The following NPM1 variants were observed in gnomAD, a reference collection of about 807,000 sequenced individuals.
NPM1 encodes nucleophosmin 1.
NPM1 carries 1 observed loss-of-function variant against 44.1 expected under a neutral mutation model. The ratio of observed to expected loss-of-function variants is 0.02; its 90% CI spans 0.01 to 0.11. The LOEUF (loss-of-function observed/expected upper bound fraction) is 0.11. Ranked by LOEUF, NPM1 falls within the 10% of genes least tolerant of loss-of-function variation. The probability of loss-of-function intolerance (pLI) is 1.00; values close to 1 mark genes in which losing one functional copy is unlikely to be tolerated. For missense variants in NPM1, 197 were observed against 347.8 expected (o/e 0.57, Z 3.45); for synonymous variants, 126 against 111.8 (o/e 1.13, Z -0.80).
intron 3 of NPM1, 109 bp downstream of exon 3, chr5:171,391,533 T>A: frequency 5.0e-6 from 7 of 1,403,562 alleles, no homozygotes; most frequent in Non-Finnish European, 6.9e-6. Context: ...TTCTTTATCT[T>A]CTGTCACTGG....
intron 8 of NPM1, among the ~76,000 whole-genome samples, chr5:171,404,534 G>T (rs373353791): frequency 2.8e-5 from 2 of 72,418 alleles, no homozygotes; most frequent in African/African-American, 1.1e-4. Flanking sequence ...CATCTCAGAC[G>T]ATGGGCGGCC....
In NPM1 at chr5:171,402,970, TTTA is replaced by T. The variant is rs1290436818; in HGVS notation, c.669+2048_669+2050del. ...GGTAGTTCTTTTTTTTTTTTTTCAT[TTTA>T]TTTATTTATTTATTTATTTTTTATT... On this transcript the variant is annotated intron_variant, in intron 8 of 10. Transcript: ENST00000296930. 1.6e-3 allele frequency among the ~76,000 whole-genome samples: 185 copies of T among 116,708 alleles called. 2 individuals carry two copies. The highest frequency in any genetic ancestry group is 5.7e-3 in the African/African-American group (167 of 29,266). 76.6% of individuals were successfully genotyped at this position (116,708 alleles called of 152,430 possible).
At chr5:171,397,400 G>T (rs993503656) in intron 6 of NPM1, among the ~76,000 whole-genome samples, 1 of 152,150 alleles carries the variant, frequency 6.6e-6, no homozygotes, top group Non-Finnish European at 1.5e-5. Context: ...ATTCCCACTA[G>T]CAGTGTATGG....
chr5:171,387,854 C>G lies in NPM1; in HGVS notation c.-95C>G, dbSNP rs909954965. On this transcript the variant is annotated 5_prime_UTR_variant, in exon 1 of 11. Transcript: ENST00000296930. ...AAGCGCGGGGAGCCTGCGTCCTTTC[C>G]CTGGTGTGATTCCGTCCTGCGCGGT... 1 of 1,182,786 alleles carries G rather than the reference C, an allele frequency of 8.5e-7. No individual in the cohort carries two copies. The highest frequency in any genetic ancestry group is 1.2e-5 in the South Asian group (1 of 80,278). 73.3% of individuals were successfully genotyped at this position (1,182,786 alleles called of 1,614,324 possible).
intron 2 of NPM1, among the ~76,000 whole-genome samples, chr5:171,390,893 TTG>T (rs1190532823): frequency 6.6e-6 from 1 of 151,988 alleles, no homozygotes; most frequent in African/African-American, 2.4e-5. Flanking sequence ...TGGCTAATTT[TTG>T]TGTTTTTAGT....
intron 6 of NPM1, among the ~76,000 whole-genome samples, chr5:171,398,703 C>CA (rs1561869777): frequency 6.6e-6 from 1 of 152,072 alleles, no homozygotes; most frequent in Non-Finnish European, 1.5e-5. Context: ...ACCTGGGAGG[C>CA]AGAGGTTGCA....
At chr5:171,407,561 C>A (rs553382266) in intron 9 of NPM1, 139 bp from the exon 10 acceptor site, 3 of 655,648 alleles carry the variant, frequency 4.6e-6, no homozygotes, top group Non-Finnish European at 5.4e-6. Flanking sequence ...GAAAAAGATA[C>A]GGAGTATTCT....
intron 7 of NPM1, 144 bp downstream of exon 7, chr5:171,400,354 A>C: frequency 3.4e-6 from 2 of 591,766 alleles, no homozygotes; most frequent in Non-Finnish European, 5.0e-6. Context: ...GGATTACAGA[A>C]AACTTAAGAG....
chr5:171,406,350 C>A (rs1561876074), intron 9 of NPM1: 3 of 1,528,448 alleles, frequency 2.0e-6, no homozygotes, highest in Non-Finnish European at 2.7e-6. Context: ...TTTAGATGCC[C>A]CTCCCCTCCA....
intron 5 of NPM1, 36 bp from the exon 6 acceptor site, chr5:171,392,878 C>G: frequency 6.2e-7 from 1 of 1,612,752 alleles, no homozygotes; most frequent in South Asian, 1.1e-5. Context: ...GATAGAACAG[C>G]TCTTGTTCAT....
chr5:171,397,061 G>A (rs1561868652), intron 6 of NPM1, among the ~76,000 whole-genome samples: 1 of 152,132 alleles, frequency 6.6e-6, no homozygotes, highest in Non-Finnish European at 1.5e-5. Flanking sequence ...ACCTCAATGA[G>A]AAATCGTACT....
chr5:171,401,987 G>A (rs952765725), intron 8 of NPM1, among the ~76,000 whole-genome samples: 3 of 151,438 alleles, frequency 2.0e-5, no homozygotes, highest in African/African-American at 7.3e-5. Flanking sequence ...AAAATGGTCT[G>A]GGGTGGGCGC....
chr5:171,394,041 C>CTT (rs144186175), intron 6 of NPM1, among the ~76,000 whole-genome samples: 1,237 of 96,788 alleles, frequency 0.013, 33 homozygotes, highest in Middle Eastern at 0.024. Flanking sequence ...TTTTTGTTTT[C>CTT]TTTTTTTTTT....
intron 9 of NPM1, chr5:171,405,718 A>G (rs1377499065): frequency 3.3e-6 from 1 of 300,796 alleles, no homozygotes; most frequent in African/African-American, 2.3e-5. Context: ...TGGTTGTAAG[A>G]TATGCTAGAG....
At chr5:171,406,574 ATCTCTTGGTTCCC>A in intron 9 of NPM1, 1 of 1,436,408 alleles carries the variant, frequency 7.0e-7, no homozygotes, top group East Asian at 2.5e-5. Flanking sequence ...GCTGGAAACA[ATCTCTTGGTTCCC>A]TAAAGCACTT....
chr5:171,389,010 T>C (rs925741516), intron 1 of NPM1, among the ~76,000 whole-genome samples: 9 of 152,188 alleles, frequency 5.9e-5, no homozygotes, highest in Non-Finnish European at 5.9e-5. Flanking sequence ...CCAAACTGCT[T>C]TTCTAAATAC....
In NPM1 at chr5:171,387,996, C is replaced by T. The variant is rs976072123; in HGVS notation, c.48C>T (p.Asn16=). 6 of 1,583,594 alleles carry T rather than the reference C, an allele frequency of 3.8e-6. No homozygotes were observed. In the Admixed American group the frequency reaches 8.5e-5, roughly 22 times the overall value. The change falls in exon 1 of 11, where the codon AAC becomes AAT. Residue 16 remains asparagine (N), a synonymous_variant. Coordinates refer to ENST00000296930, the MANE Select transcript of NPM1 (RefSeq NM_002520.7). ...DMDMSPLRPQ[N]YLFGCELKAD... ...ACATGAGCCCCCTGAGGCCCCAGAA[C>T]TATCTTTTCGGTAACTGCTGGGGGG...
chr5:171,403,724 C>T (rs1386190132), intron 8 of NPM1, among the ~76,000 whole-genome samples: 3 of 144,276 alleles, frequency 2.1e-5, no homozygotes, highest in South Asian at 4.5e-4. Flanking sequence ...GGGCGGCCGG[C>T]CGGGCGGGGG....
chr5:171,391,943 A>C, intron 4 of NPM1, 144 bp downstream of exon 4: 1 of 447,172 alleles, frequency 2.2e-6, no homozygotes, highest in Non-Finnish European at 3.9e-6. Context: ...GAGAGGACAA[A>C]TAAATTTTTG....
Sources: gnomAD v4.1 joint callset for allele counts (sites outside exome capture counted in the v4.1 genomes callset) on GRCh38, gnomAD v4.1.1 for gene constraint, MANE v1.5 for transcripts, NCBI Gene and HGNC (gene_info 2026-07-23, HGNC 2026-07-21) for gene names.